The following TASOR2 variants were observed in gnomAD, a reference collection of about 807,000 sequenced individuals.
The protein encoded by TASOR2 is transcription activation suppressor family member 2, also known as protein TASOR 2.
In TASOR2, 84 loss-of-function variants were observed where a neutral mutation model predicts 199.5. The observed-to-expected ratio is 0.42, with a 90% CI of 0.35 to 0.50. The LOEUF (loss-of-function observed/expected upper bound fraction) is 0.50. TASOR2 is among the 20% of genes least tolerant of loss of function. The pLI is 0.02. For missense variants in TASOR2, 2,796 were observed against 2,835.9 expected, an observed-to-expected ratio of 0.99 and a Z score of 0.32; for synonymous variants, 1,103 against 1,046.6, an observed-to-expected ratio of 1.05 and a Z score of -1.04.
At chr10:5,714,360 T>C in intron 2 of TASOR2, 153 bp downstream of exon 3, 1 of 421,714 alleles carries the variant, frequency 2.4e-6, no homozygotes, top group Non-Finnish European at 4.0e-6. Context: ...TTTAAACATA[T>C]GAATGAGATT....
chr10:5,711,856 G>T (rs1387707744), intron 1 of TASOR2, among the ~76,000 whole-genome samples: 4 of 152,026 alleles, frequency 2.6e-5, no homozygotes, highest in Admixed American at 6.6e-5. Flanking sequence ...CTTCTTGACG[G>T]GTGAGGAAAT....
Position 5,738,709 on chromosome 10 carries a change from T to C in TASOR2, c.1448-909T>C, listed in dbSNP as rs747896290. ...TTAATTCATTTTGGACCTGCTACTATGATAAAGAGGAACATAGTTGGCTTT... is the reference window on the plus strand; with the variant it reads ...TTAATTCATTTTGGACCTGCTACTACGATAAAGAGGAACATAGTTGGCTTT... On this transcript the variant is annotated intron_variant, in intron 12 of 20. Transcript: ENST00000328090. The surrounding 1 kb of genome is among the most constrained non-coding windows in gnomAD (Gnocchi z 4.7). 2.0e-4 allele frequency among the ~76,000 whole-genome samples: 30 copies of C among 152,360 alleles called. No individual in the cohort carries two copies. The highest frequency in any genetic ancestry group is 3.8e-4 in the Non-Finnish European group (26 of 68,024).
chr10:5,712,603 T>A, intron 1 of TASOR2: 1 of 1,207,912 alleles, frequency 8.3e-7, no homozygotes, highest in Middle Eastern at 3.2e-4. Context: ...AACCCATCAT[T>A]TTTGGTATAT....
chr10:5,718,973 G>A (rs1237075928), intron 3 of TASOR2, among the ~76,000 whole-genome samples: 2 of 152,078 alleles, frequency 1.3e-5, no homozygotes, highest in Non-Finnish European at 2.9e-5. Flanking sequence ...TGGCCTCTGT[G>A]CTCTCAATCT....
Position 5,720,727 on chromosome 10 carries a change from A to G in TASOR2, c.27-28A>G, listed in dbSNP as rs541069149. ...ATTTGTTCCTTTTACTCTTGTAAAC[A>G]TGTTCTTTTTCTTTCTTTTTCTGCT... On this transcript the variant is annotated intron_variant, in intron 4 of 20. Transcript: ENST00000328090. This position sits in a 1 kb window ranked among gnomAD's most constrained non-coding sequence, Gnocchi z 5.3. The G allele has an allele frequency of 2.5e-6, 4 of 1,613,664 alleles. No homozygotes were observed. Among genetic ancestry groups the G allele is most frequent in the African/African-American group, 1.3e-5 (1 of 74,992 alleles).
chr10:5,704,764 G>T (rs1223629041), intron 1 of TASOR2, among the ~76,000 whole-genome samples: 1 of 152,040 alleles, frequency 6.6e-6, no homozygotes, highest in Non-Finnish European at 1.5e-5. Flanking sequence ...AGCTATTTTA[G>T]ATAATATCTT....
In TASOR2 at chr10:5,719,756, T is replaced by A. The variant is rs1228062495; in HGVS notation, c.-99-788T>A. Among the ~76,000 whole-genome samples the A allele has an allele frequency of 6.6e-6, 1 of 152,224 alleles. No individual in the cohort carries two copies. Among genetic ancestry groups the A allele is most frequent in the African/African-American group, 2.4e-5 (1 of 41,452 alleles). On this transcript the variant is annotated intron_variant, in intron 3 of 20. Coordinates refer to ENST00000328090, the Ensembl canonical transcript of TASOR2. The surrounding 1 kb of genome is among the most constrained non-coding windows in gnomAD (Gnocchi z 4.1). The stretch of plus-strand genomic sequence containing the variant: ...AGGACCAGCTGCCTGCTAAGAACTT[T>A]GCTACATATTTGCTCCTTGTTAACT...
In TASOR2 at chr10:5,687,273, T is replaced by C. The variant is rs1387420817; in HGVS notation, c.-288+2098T>C. ...GGAGGAATGCGTTCCCTGCCCCCCG[T>C]TACCCTGGCCATTATTAATTTTGTG... On this transcript the variant is annotated intron_variant, in intron 1 of 20. Transcript: ENST00000328090. The surrounding 1 kb of genome is among the most constrained non-coding windows in gnomAD (Gnocchi z 4.8). Among the ~76,000 whole-genome samples the C allele has an allele frequency of 6.6e-6, 1 of 152,210 alleles. No individual in the cohort carries two copies. Among genetic ancestry groups the C allele is most frequent in the Admixed American group, 6.5e-5 (1 of 15,274 alleles).
intron 12 of TASOR2, 55 bp downstream of exon 13, chr10:5,735,601 G>A: frequency 1.9e-6 from 3 of 1,560,598 alleles, no homozygotes; most frequent in Non-Finnish European, 2.6e-6. Flanking sequence ...CTAACAGAGA[G>A]TGCAAGATAA....
At chr10:5,749,927 T>C in exon 15 of TASOR2, 1 of 1,614,206 alleles carries the variant, frequency 6.2e-7, no homozygotes, top group African/African-American at 1.3e-5. Context: ...TGCACCAATT[T>C]GCACGTCAAA....
chr10:5,695,202 G>C (rs1836999614), intron 1 of TASOR2, among the ~76,000 whole-genome samples: 1 of 152,182 alleles, frequency 6.6e-6, no homozygotes, highest in Non-Finnish European at 1.5e-5. Flanking sequence ...AATTGGACTG[G>C]ATGCTGAGTA....
Position 5,737,639 on chromosome 10 carries a change from G to A in TASOR2, c.1448-1979G>A, listed in dbSNP as rs1159117940. Among the ~76,000 whole-genome samples the A allele has an allele frequency of 1.3e-5, 2 of 151,990 alleles. No individual in the cohort carries two copies. Among genetic ancestry groups the A allele is most frequent in the Non-Finnish European group, 2.9e-5 (2 of 68,010 alleles). On this transcript the variant is annotated intron_variant, in intron 12 of 20. Transcript: ENST00000328090. This position sits in a 1 kb window ranked among gnomAD's most constrained non-coding sequence, Gnocchi z 4.9. ...ACTGTAACTAATCTCTCACTTCTTT[G>A]GGATATTTGAGAACATTCTATAATT... is the stretch of plus-strand genomic sequence containing the variant.
At chr10:5,703,297 A>G (rs183514288) in intron 1 of TASOR2, among the ~76,000 whole-genome samples, 75 of 152,174 alleles carry the variant, frequency 4.9e-4, no homozygotes, top group African/African-American at 1.0e-3. Flanking sequence ...CAGGTAATCT[A>G]TTTACTATGA....
Position 5,687,269 on chromosome 10 carries a change from C to T in TASOR2, c.-288+2094C>T, listed in dbSNP as rs1333712967. On this transcript the variant is annotated intron_variant, in intron 1 of 20. Coordinates refer to ENST00000328090, the Ensembl canonical transcript of TASOR2. The surrounding 1 kb of genome is among the most constrained non-coding windows in gnomAD (Gnocchi z 4.8). ...CCCAGGAGGAATGCGTTCCCTGCCCCCCGTTACCCTGGCCATTATTAATTT... is the reference window on the plus strand; with the variant it reads ...CCCAGGAGGAATGCGTTCCCTGCCCTCCGTTACCCTGGCCATTATTAATTT... 6.6e-6 allele frequency among the ~76,000 whole-genome samples: 1 copy of T among 152,200 alleles called. No individual in the cohort carries two copies. The highest frequency in any genetic ancestry group is 2.4e-5 in the African/African-American group (1 of 41,448).
At position 5,706,969 on chromosome 10, in the gene TASOR2, G is replaced by T. The variant is rs79931489; in HGVS notation, c.-287-5854G>T. On this transcript the variant is annotated intron_variant, in intron 1 of 20. Transcript: ENST00000328090. This position sits in a 1 kb window ranked among gnomAD's most constrained non-coding sequence, Gnocchi z 4.8. ...AGTGAACCAGAATCAAGCCACTTAC[G>T]CTCCAGCCTGGGCCACGGAGCAAGA... is the stretch of plus-strand genomic sequence containing the variant. Among the ~76,000 whole-genome samples, 1 of 150,760 alleles carries T rather than the reference G, an allele frequency of 6.6e-6. No homozygotes were observed. Among genetic ancestry groups the T allele is most frequent in the African/African-American group, 2.4e-5 (1 of 40,860 alleles).
chr10:5,720,574 G>T lies in TASOR2; in HGVS notation c.-69G>T. 6.2e-7 allele frequency: 1 copy of T among 1,606,766 alleles called. No individual in the cohort carries two copies. Among genetic ancestry groups the T allele is most frequent in the Non-Finnish European group, 8.5e-7 (1 of 1,177,466 alleles). ...CTTTTACGAACTTTCAGGCAACACCGTTATTGAACGACCCAGACAGATCTG... is the reference window on the plus strand; with the variant it reads ...CTTTTACGAACTTTCAGGCAACACCTTTATTGAACGACCCAGACAGATCTG... On this transcript the variant is annotated 5_prime_UTR_variant, in exon 4 of 21. Coordinates refer to ENST00000328090, the Ensembl canonical transcript of TASOR2. This position sits in a 1 kb window ranked among gnomAD's most constrained non-coding sequence, Gnocchi z 5.3.
intron 1 of TASOR2, among the ~76,000 whole-genome samples, chr10:5,708,646 TC>T (rs1831503498): frequency 1.8e-5 from 2 of 114,188 alleles, no homozygotes. Context: ...CTTCCTTCCT[TC>T]CTTCCTTCCT....
chr10:5,705,932 T>TTGCCC (rs751141296), intron 1 of TASOR2, among the ~76,000 whole-genome samples: 2 of 152,178 alleles, frequency 1.3e-5, no homozygotes, highest in Non-Finnish European at 2.9e-5. Context: ...TATGAAAACT[T>TTGCCC]TATGTACCCC....
At chr10:5,727,333 A>G (rs1279055146) in intron 10 of TASOR2, among the ~76,000 whole-genome samples, 1 of 152,150 alleles carries the variant, frequency 6.6e-6, no homozygotes, top group Non-Finnish European at 1.5e-5. Flanking sequence ...TTGTCTACTG[A>G]CATTGCCACT....
Sources: allele counts gnomAD v4.1 joint callset (sites outside exome capture counted in the v4.1 genomes callset), GRCh38; gene constraint gnomAD v4.1.1; non-coding constraint Gnocchi (gnomAD v3.1); transcripts MANE v1.5; gene names NCBI Gene and HGNC (gene_info 2026-07-23, HGNC 2026-07-21).